Variants in LSR observed in about 807,000 individuals in gnomAD.
LSR encodes lipolysis stimulated lipoprotein receptor, also known as lipolysis-stimulated lipoprotein receptor.
LSR carries 44 observed loss-of-function variants against 61.8 expected under a neutral mutation model. The observed-to-expected ratio is 0.71, with a 90% confidence interval of 0.56 to 0.91. The LOEUF is 0.91. LSR is among the 40% of genes least tolerant of loss of function. The probability of loss-of-function intolerance (pLI) is 0.00; values close to 1 mark genes in which losing one functional copy is unlikely to be tolerated. For synonymous variants in LSR, 397 were observed against 350.6 expected, an observed-to-expected ratio of 1.13 and a Z score of -1.48; for missense variants, 911 against 830.5, an observed-to-expected ratio of 1.10 and a Z score of -1.19.
Position 35,267,885 on chromosome 19 carries a change from T to C in LSR, c.*26T>C, listed in dbSNP as rs1235562873. 1 of 1,612,120 alleles carries C rather than the reference T, an allele frequency of 6.2e-7. No homozygotes were observed. The highest frequency in any genetic ancestry group is 8.5e-7 in the Non-Finnish European group (1 of 1,178,982). On this transcript the variant is annotated 3_prime_UTR_variant, in exon 10 of 10. Coordinates refer to ENST00000605618, the MANE Select transcript of LSR (RefSeq NM_205834.4). ...TCTGACGTTTTCTACGTAGCTTTTG[T>C]ATTTTTTTTTTTAATTTGAAGGAAC...
Position 35,262,702 on chromosome 19 carries a change from C to G in LSR, c.778+10C>G. On this transcript the variant is annotated intron_variant, in intron 5 of 9. Coordinates refer to ENST00000605618, the MANE Select transcript of LSR (RefSeq NM_205834.4). ...TGCTGCCCCGAGGCCCGTAAGTGTC[C>G]CGCTCATGGCCACCCTGGTTTGGGC... is the stretch of plus-strand genomic sequence containing the variant. 6.2e-7 allele frequency: 1 copy of G among 1,611,706 alleles called. No homozygotes were observed.
intron 2 of LSR, among the ~76,000 whole-genome samples, chr19:35,257,321 G>A (rs1347906428): frequency 6.6e-6 from 1 of 152,168 alleles, no homozygotes; most frequent in Non-Finnish European, 1.5e-5. Flanking sequence ...GAGAAGCCCA[G>A]CCCACAGGGG....
At chr19:35,259,312 C>T (rs773671204) in intron 3 of LSR, 3 of 377,712 alleles carry the variant, frequency 7.9e-6, no homozygotes, top group Non-Finnish European at 1.4e-5. Flanking sequence ...CAATTGGAGA[C>T]TCTGCCTTTT....
intron 1 of LSR, 23 bp downstream of exon 1, chr19:35,249,154 C>G (rs1029639815): frequency 2.0e-6 from 3 of 1,516,802 alleles, no homozygotes; most frequent in Non-Finnish European, 2.6e-6. Flanking sequence ...GGGCCTCTGA[C>G]GCTGCGGAAC....
intron 2 of LSR, among the ~76,000 whole-genome samples, chr19:35,258,590 G>A (rs2065884308): frequency 6.6e-6 from 1 of 151,734 alleles, no homozygotes; most frequent in Non-Finnish European, 1.5e-5. Flanking sequence ...GGGCCACAGA[G>A]TGAGACCCTG....
intron 2 of LSR, among the ~76,000 whole-genome samples, chr19:35,255,810 A>G (rs2065849331): frequency 6.6e-6 from 1 of 152,236 alleles, no homozygotes; most frequent in Non-Finnish European, 1.5e-5. Flanking sequence ...CTGATATGTG[A>G]CATAGTTAAC....
chr19:35,256,528 A>G (rs2065858693), intron 2 of LSR, among the ~76,000 whole-genome samples: 2 of 152,126 alleles, frequency 1.3e-5, no homozygotes, highest in African/African-American at 4.8e-5. Flanking sequence ...GCCTCTGGAA[A>G]ACTCCACAGT....
At position 35,266,341 on chromosome 19, in the gene LSR, T is replaced by C. The variant is rs2065997463; in HGVS notation, c.779-18T>C. 17 of 1,550,554 alleles carry C rather than the reference T, an allele frequency of 1.1e-5. No homozygotes were observed. The highest frequency in any genetic ancestry group is 1.5e-5 in the Non-Finnish European group (17 of 1,145,342). Reference sequence around the variant, plus strand: ...CTCCTGCCTCATCCCCCTTCTCCTGTTGATTGTGTCCTCACAGTGTATGCC... The same window carrying C: ...CTCCTGCCTCATCCCCCTTCTCCTGCTGATTGTGTCCTCACAGTGTATGCC... On this transcript the variant is annotated intron_variant, in intron 5 of 9. Transcript: ENST00000605618.
rs772904994 is a variant in LSR, at chr19:35,267,858, G to T, written c.1805G>T (p.Ter602LeuextTer15). 1 of 1,613,778 alleles carries T rather than the reference G, an allele frequency of 6.2e-7. No individual in the cohort carries two copies. Among genetic ancestry groups the T allele is most frequent in the Non-Finnish European group, 8.5e-7 (1 of 1,179,862 alleles). ...LALSRESLVV* is the reference protein window; with the variant it reads ...LALSRESLVVL Reference sequence around the variant, plus strand: ...CTGAGTCGGGAAAGTTTAGTCGTCTGATCTGACGTTTTCTACGTAGCTTTT... The same window carrying T: ...CTGAGTCGGGAAAGTTTAGTCGTCTTATCTGACGTTTTCTACGTAGCTTTT... The change falls in exon 10 of 10, where the codon TGA becomes TTA. Residue 602 changes from the stop codon to leucine (L), a stop_lost. Transcript: ENST00000605618.
chr19:35,267,280 G>A lies in LSR; in HGVS notation c.1316G>A (p.Arg439Lys). The change falls in exon 9 of 10, where the codon AGG (arginine) becomes AAG (lysine). Residue 439 changes from arginine (R) to lysine (K), a missense_variant. Coordinates refer to ENST00000605618, the MANE Select transcript of LSR (RefSeq NM_205834.4). The part of the protein sequence containing the change: ...REQAGGGWRA[R>K]RPRARSVDAL... Reference sequence around the variant, plus strand: ...CAGGCAGGCGGGGGCTGGCGGGCCAGGCGGCCCCGGGCCCGCTCCGTGGAC... The same window carrying A: ...CAGGCAGGCGGGGGCTGGCGGGCCAAGCGGCCCCGGGCCCGCTCCGTGGAC... 6.6e-7 allele frequency: 1 copy of A among 1,511,832 alleles called. No individual in the cohort carries two copies. Among genetic ancestry groups the A allele is most frequent in the Non-Finnish European group, 8.9e-7 (1 of 1,129,080 alleles). The allele number at this position is 1,511,832 out of a possible 1,614,324, so 93.7% of individuals were successfully genotyped here.
At position 35,266,934 on chromosome 19, in the gene LSR, C is replaced by G; in HGVS notation, c.1111C>G (p.Arg371Gly). The G allele has an allele frequency of 6.2e-7, 1 of 1,613,766 alleles. No individual in the cohort carries two copies. The highest frequency in any genetic ancestry group is 8.5e-7 in the Non-Finnish European group (1 of 1,179,870). ...EKELANFDPS[R>G]PGPPSGRVER... ...GGAGCTGGCCAACTTCGACCCTTCTCGACCTGGCCCCCCCAGTGGCCGTGT... is the reference window on the plus strand; with the variant it reads ...GGAGCTGGCCAACTTCGACCCTTCTGGACCTGGCCCCCCCAGTGGCCGTGT... The change falls in exon 8 of 10, where the codon CGA (arginine) becomes GGA (glycine). Residue 371 changes from arginine to glycine, a missense_variant. Arg to Gly is a moderately radical substitution (Grantham distance 125). Coordinates refer to ENST00000605618, the MANE Select transcript of LSR (RefSeq NM_205834.4).
Position 35,260,291 on chromosome 19 carries a change from CT to C in LSR, c.574+1245del, listed in dbSNP as rs66534837. ...TAGGAATTAAAATGGGGAGATTTTC[CT>C]TTTTTTTTTTTTTTTTTGAGATGGA... On this transcript the variant is annotated intron_variant, in intron 3 of 9. Transcript: ENST00000605618. Among the ~76,000 whole-genome samples the C allele has an allele frequency of 4.0e-3, 451 of 113,998 alleles. 8 individuals carry two copies. In the East Asian group the frequency reaches 0.067, roughly 17 times the overall value. The allele number at this position is 113,998 out of a possible 152,430, so 74.8% of individuals were successfully genotyped here.
At chr19:35,260,839 C>G (rs1002616965) in intron 3 of LSR, among the ~76,000 whole-genome samples, 5 of 151,988 alleles carry the variant, frequency 3.3e-5, no homozygotes, top group African/African-American at 1.2e-4. Context: ...CACAAACACA[C>G]ACACACACAC....
intron 2 of LSR, among the ~76,000 whole-genome samples, chr19:35,255,763 G>T (rs2065848667): frequency 6.6e-6 from 1 of 152,194 alleles, no homozygotes; most frequent in Non-Finnish European, 1.5e-5. Flanking sequence ...ACTCTCTGCT[G>T]TCCCTGATTC....
rs780471715 is a variant in LSR at position 35,262,693 on chromosome 19, G to A, written c.778+1G>A. 20 of 1,612,840 alleles carry A rather than the reference G, an allele frequency of 1.2e-5. No individual in the cohort carries two copies. Among genetic ancestry groups the A allele is most frequent in the Non-Finnish European group, 1.4e-5 (17 of 1,179,656 alleles). ...GACAAGTGCTGCTGCCCCGAGGCCC[G>A]TAAGTGTCCCGCTCATGGCCACCCT... On this transcript the variant is annotated splice_donor_variant, in intron 5 of 9. Transcript: ENST00000605618. LOFTEE classifies it high-confidence loss of function.
intron 3 of LSR, 144 bp from the exon 4 acceptor site, chr19:35,261,781 G>A: frequency 4.2e-6 from 2 of 481,126 alleles, no homozygotes; most frequent in Non-Finnish European, 7.3e-6. Context: ...GAGGGTAGGA[G>A]CCATGCACTA....
At chr19:35,254,793 G>A (rs1019002592) in intron 2 of LSR, among the ~76,000 whole-genome samples, 2 of 152,194 alleles carry the variant, frequency 1.3e-5, no homozygotes, top group African/African-American at 2.4e-5. Flanking sequence ...AACAGGGTAC[G>A]CCCTGCAGGA....
chr19:35,254,041 C>T (rs958052806), intron 2 of LSR, among the ~76,000 whole-genome samples: 1 of 152,178 alleles, frequency 6.6e-6, no homozygotes, highest in Non-Finnish European at 1.5e-5. Context: ...TCTGTTTCAG[C>T]TTTGAGGATG....
Position 35,266,352 on chromosome 19 carries a change from C to A in LSR, c.779-7C>A. 3 of 1,568,350 alleles carry A rather than the reference C, an allele frequency of 1.9e-6. No individual in the cohort carries two copies. Among genetic ancestry groups the A allele is most frequent in the Non-Finnish European group, 2.6e-6 (3 of 1,156,176 alleles). ...TCCCCCTTCTCCTGTTGATTGTGTC[C>A]TCACAGTGTATGCCGCCGGCAAAGC... is the stretch of plus-strand genomic sequence containing the variant. On this transcript the variant is annotated splice_region_variant and splice_polypyrimidine_tract_variant and intron_variant, in intron 5 of 9. Coordinates refer to ENST00000605618, the MANE Select transcript of LSR (RefSeq NM_205834.4).
Sources: allele counts gnomAD v4.1 joint callset (sites outside exome capture counted in the v4.1 genomes callset), GRCh38; gene constraint gnomAD v4.1.1; transcripts MANE v1.5; gene names NCBI Gene and HGNC (gene_info 2026-07-23, HGNC 2026-07-21).